Variants in SNX29 observed in about 807,000 individuals in gnomAD.
SNX29 encodes the protein sorting nexin-29.
SNX29 carries 78 observed loss-of-function variants against 102.1 expected under a neutral mutation model. That is an observed-to-expected ratio of 0.76 (90% confidence interval 0.64 to 0.92). The LOEUF (loss-of-function observed/expected upper bound fraction) is 0.92, where lower values mean the gene tolerates loss of function less well. Ranked by LOEUF, SNX29 falls within the 40% of genes least tolerant of loss-of-function variation. SNX29 has a pLI of 0.00. For synonymous variants in SNX29, 580 were observed against 414.5 expected (o/e 1.40, Z -4.85); for missense variants, 1,280 against 1,061.7 (o/e 1.21, Z -2.86).
rs148591798 is a variant in SNX29 at position 12,042,485 on chromosome 16, A to C, written c.248-412A>C. Among the ~76,000 whole-genome samples, 564 of 151,528 alleles carry C rather than the reference A, an allele frequency of 3.7e-3. 4 individuals carry two copies. The highest frequency in any genetic ancestry group is 0.013 in the African/African-American group (539 of 41,290). On this transcript the variant is annotated intron_variant, in intron 4 of 20. Transcript: ENST00000566228. The stretch of plus-strand genomic sequence containing the variant: ...TCCGTCTGTGCTCTCCTCCCTCTCT[A>C]CTCTCTCTAGCAGCCCCCAGTGTCT...
At position 12,235,785 on chromosome 16, in the gene SNX29, TTG is replaced by T. The variant is rs71408254; in HGVS notation, c.1678+36126_1678+36127del. 6.4e-3 allele frequency among the ~76,000 whole-genome samples: 946 copies of T among 147,224 alleles called. 5 individuals carry two copies. The highest frequency in any genetic ancestry group is 0.015 in the African/African-American group (607 of 40,532). ...GGTGGATGAAAACATGGGTTGTAAATTGTGTGTGTGTGTGTGTGTGTGTGTAT... is the reference window on the plus strand; with the variant it reads ...GGTGGATGAAAACATGGGTTGTAAATTGTGTGTGTGTGTGTGTGTGTGTAT... On this transcript the variant is annotated intron_variant, in intron 14 of 20. Transcript: ENST00000566228.
intron 1 of SNX29, among the ~76,000 whole-genome samples, chr16:11,979,275 C>CAA (rs71139569): frequency 0.26 from 15,714 of 61,582 alleles, 3,227 homozygotes; most frequent in South Asian, 0.42. Context: ...ACTCAGTCTC[C>CAA]AAAAAAAAAA....
At chr16:12,398,319 C>A in intron 16 of SNX29, 127 bp from the exon 17 acceptor site, 1 of 1,040,252 alleles carries the variant, frequency 9.6e-7, no homozygotes. Context: ...CCAGTGACTG[C>A]TTTTTCACTT....
At chr16:12,012,092 A>G in intron 3 of SNX29, among the ~76,000 whole-genome samples, 1 of 152,168 alleles carries the variant, frequency 6.6e-6, no homozygotes, top group Non-Finnish European at 1.5e-5. Context: ...TGCAAATTGG[A>G]TGAGATGGTT....
chr16:12,568,314 A>C (rs1173140471), intron 20 of SNX29, among the ~76,000 whole-genome samples, 192 bp from the exon 21 acceptor site: 1 of 151,558 alleles, frequency 6.6e-6, no homozygotes, highest in Non-Finnish European at 1.5e-5. Flanking sequence ...TAAAAAAAAA[A>C]AAATGGAAAG....
At chr16:12,554,314 C>G (rs1235338961) in intron 20 of SNX29, among the ~76,000 whole-genome samples, 1 of 152,202 alleles carries the variant, frequency 6.6e-6, no homozygotes, top group Non-Finnish European at 1.5e-5. Flanking sequence ...TCAGTTTTAA[C>G]TAAAATGGGA....
intron 14 of SNX29, among the ~76,000 whole-genome samples, chr16:12,262,458 G>T (rs1393403819): frequency 3.3e-5 from 5 of 152,206 alleles, no homozygotes; most frequent in African/African-American, 9.6e-5. Context: ...GCACGAGGCT[G>T]TAGATGGTGG....
intron 16 of SNX29, among the ~76,000 whole-genome samples, chr16:12,383,975 T>C (rs561826449): frequency 2.0e-5 from 3 of 152,180 alleles, no homozygotes; most frequent in Non-Finnish European, 4.4e-5. Context: ...ATGAGATGTT[T>C]GTCTTTCTGT....
At chr16:12,191,164 A>G (rs910914936) in intron 13 of SNX29, among the ~76,000 whole-genome samples, 10 of 152,268 alleles carry the variant, frequency 6.6e-5, no homozygotes, top group Middle Eastern at 3.4e-3. Context: ...CCAGTTCACA[A>G]TAGGGTTCGT....
In SNX29 at chr16:12,008,643, C is replaced by CT. The variant is rs554995778; in HGVS notation, c.122+5606dup. Reference sequence around the variant, plus strand: ...AACAATATGTTTTTCGTATGCCTCTCTTTTTTAAAAGAGTGTGCAGATATC... The same window carrying CT: ...AACAATATGTTTTTCGTATGCCTCTCTTTTTTTAAAAGAGTGTGCAGATATC... On this transcript the variant is annotated intron_variant, in intron 3 of 20. Coordinates refer to ENST00000566228, the MANE Select transcript of SNX29 (RefSeq NM_032167.5). Among the ~76,000 whole-genome samples, 49 of 151,776 alleles carry CT rather than the reference C, an allele frequency of 3.2e-4. No individual in the cohort carries two copies. In the East Asian group the frequency reaches 7.9e-3, roughly 25 times the overall value.
Position 12,563,569 on chromosome 16 carries a change from T to A in SNX29, c.2319-4937T>A, listed in dbSNP as rs67753633. 1.8e-4 allele frequency among the ~76,000 whole-genome samples: 27 copies of A among 151,952 alleles called. 1 individual carries two copies. The highest frequency in any genetic ancestry group is 5.3e-4 in the African/African-American group (22 of 41,484). On this transcript the variant is annotated intron_variant, in intron 20 of 20. Coordinates refer to ENST00000566228, the MANE Select transcript of SNX29 (RefSeq NM_032167.5). The stretch of plus-strand genomic sequence containing the variant: ...CTACCTGAGGGGTCTACCCCACCCC[T>A]TTGGGTGGTGGCTTAGGCCTCCATG...
At chr16:12,245,830 C>T (rs1390007919) in intron 14 of SNX29, among the ~76,000 whole-genome samples, 1 of 151,956 alleles carries the variant, frequency 6.6e-6, no homozygotes, top group East Asian at 1.9e-4. Flanking sequence ...GCTTGAGACA[C>T]AGAGTTTCTG....
chr16:12,243,877 C>T (rs2078184393), intron 14 of SNX29, among the ~76,000 whole-genome samples: 1 of 152,176 alleles, frequency 6.6e-6, no homozygotes. Flanking sequence ...TGTATCTTTG[C>T]ATAAGTCCAT....
In SNX29 at chr16:12,013,541, A is replaced by ATATATATATATATATG. The variant is rs1325376334; in HGVS notation, c.122+10499_122+10500insATATATATATATATGT. Among the ~76,000 whole-genome samples the ATATATATATATATATG allele has an allele frequency of 1.3e-4, 16 of 119,222 alleles. 1 individual carries two copies. In the East Asian group the frequency reaches 2.5e-3, roughly 19 times the overall value. The allele number at this position is 119,222 out of a possible 152,430, so 78.2% of individuals were successfully genotyped here. On this transcript the variant is annotated intron_variant, in intron 3 of 20. Transcript: ENST00000566228. The stretch of plus-strand genomic sequence containing the variant: ...TATATATATATATATATATATATAT[A>ATATATATATATATATG]TCGAGAGAGGAGAAAAGGGTGGTCT...
chr16:12,306,056 C>CT (rs1390989206), intron 15 of SNX29, among the ~76,000 whole-genome samples: 1 of 152,004 alleles, frequency 6.6e-6, no homozygotes, highest in Admixed American at 6.5e-5. Context: ...CACACCCTCC[C>CT]TCAGCCAGGC....
At chr16:12,242,559 G>C (rs2078139001) in intron 14 of SNX29, among the ~76,000 whole-genome samples, 1 of 141,642 alleles carries the variant, frequency 7.1e-6, no homozygotes, top group South Asian at 2.1e-4. Context: ...GTCTGATTTG[G>C]CCGGCTCTTT....
rs189675689 is a variant in SNX29 at position 12,573,405 on chromosome 16, G to A, written c.*4776G>A. On this transcript the variant is annotated 3_prime_UTR_variant, in exon 21 of 21. Transcript: ENST00000566228. Reference sequence around the variant, plus strand: ...CTTCCTTATAGCTAGTTTCTATAGAGAAGTGAAAAAGAAATCTGGCTTCCT... The same window carrying A: ...CTTCCTTATAGCTAGTTTCTATAGAAAAGTGAAAAAGAAATCTGGCTTCCT... The A allele has an allele frequency of 1.4e-4, 32 of 224,400 alleles. No individual in the cohort carries two copies. The highest frequency in any genetic ancestry group is 5.6e-4 in the African/African-American group (25 of 44,928). The allele number at this position is 224,400 out of a possible 1,614,324, so 13.9% of individuals were successfully genotyped here. A position where few individuals can be genotyped will look rare whatever the true frequency, so the allele number is the denominator to read the frequency against.
intron 16 of SNX29, among the ~76,000 whole-genome samples, chr16:12,394,436 A>G (rs749098302): frequency 6.6e-6 from 1 of 152,188 alleles, no homozygotes; most frequent in Non-Finnish European, 1.5e-5. Flanking sequence ...TGGGCAAGTT[A>G]CTTTTATGGA....
chr16:12,443,551 A>G (rs1018469991), intron 18 of SNX29, among the ~76,000 whole-genome samples: 3 of 152,074 alleles, frequency 2.0e-5, no homozygotes, highest in African/African-American at 4.8e-5. Flanking sequence ...CTCCCCTTCA[A>G]GCGATTCTCC....
Sources: gnomAD v4.1 joint callset for allele counts (sites outside exome capture counted in the v4.1 genomes callset) on GRCh38, gnomAD v4.1.1 for gene constraint, MANE v1.5 for transcripts, NCBI Gene and HGNC (gene_info 2026-07-23, HGNC 2026-07-21) for gene names.